ANKS1B: variants seen among roughly 807,000 people sequenced by gnomAD.
ANKS1B encodes ankyrin repeat and sterile alpha motif domain-containing protein 1B.
Under a neutral mutation model 148.3 loss-of-function variants are expected in ANKS1B, and 36 were observed. The observed-to-expected ratio is 0.24, with a 90% CI of 0.19 to 0.32. The LOEUF (loss-of-function observed/expected upper bound fraction) is 0.32. Among genes scored for constraint, ANKS1B ranks in the 10% least tolerant of loss-of-function variants. The pLI, the probability that ANKS1B is intolerant of heterozygous loss-of-function variation, is 1.00. For synonymous variants in ANKS1B, 542 were observed against 560.8 expected (o/e 0.97, Z 0.47); for missense variants, 1,157 against 1,542.6 (o/e 0.75, Z 4.19).
intron 8 of ANKS1B, among the ~76,000 whole-genome samples, chr12:99,762,636 T>C (rs1244355385): frequency 6.6e-6 from 1 of 152,004 alleles, no homozygotes; most frequent in East Asian, 1.9e-4. Context: ...GATTTCATGA[T>C]AAAGACTTCA....
At chr12:99,165,292 T>A (rs1478456408) in intron 14 of ANKS1B, among the ~76,000 whole-genome samples, 1 of 151,422 alleles carries the variant, frequency 6.6e-6, no homozygotes, top group Non-Finnish European at 1.5e-5. Context: ...AGAGGGGAAA[T>A]AAATGAAACA....
At chr12:99,307,971 G>A (rs2082585979) in intron 12 of ANKS1B, among the ~76,000 whole-genome samples, 1 of 151,992 alleles carries the variant, frequency 6.6e-6, no homozygotes, top group Non-Finnish European at 1.5e-5. Flanking sequence ...TCGACTAATA[G>A]TTCAAACAAC....
chr12:99,175,038 G>A (rs2078224017), intron 14 of ANKS1B, among the ~76,000 whole-genome samples: 1 of 152,172 alleles, frequency 6.6e-6, no homozygotes. Context: ...CTAAAAATCA[G>A]CTCAGTAGCA....
At chr12:98,742,866 G>T (rs575209511), downstream of ANKS1B, among the ~76,000 whole-genome samples, 1 of 152,232 alleles carries the variant, frequency 6.6e-6, no homozygotes, top group Non-Finnish European at 1.5e-5. Context: ...GGAATATGGG[G>T]TGGGCCAGTG....
intron 1 of ANKS1B, among the ~76,000 whole-genome samples, chr12:99,923,908 G>T (rs2094425712): frequency 1.3e-5 from 2 of 151,950 alleles, no homozygotes; most frequent in South Asian, 4.2e-4. Context: ...GGTTCATGCT[G>T]GTACAAGGTT....
intron 14 of ANKS1B, among the ~76,000 whole-genome samples, chr12:99,161,525 C>T (rs1266531693): frequency 6.6e-6 from 1 of 151,956 alleles, no homozygotes; most frequent in African/African-American, 2.4e-5. Context: ...AAAAAACAAA[C>T]CAAACCAAAA....
At chr12:99,300,733 C>T (rs1373178800) in intron 12 of ANKS1B, among the ~76,000 whole-genome samples, 1 of 152,070 alleles carries the variant, frequency 6.6e-6, no homozygotes, top group Admixed American at 6.6e-5. Flanking sequence ...CTTATTCTTT[C>T]TATGGTTCAG....
intron 11 of ANKS1B, among the ~76,000 whole-genome samples, chr12:99,438,033 G>A (rs2095489368): frequency 6.6e-6 from 1 of 151,850 alleles, no homozygotes; most frequent in African/African-American, 2.4e-5. Context: ...CTTCCTGGAA[G>A]TTTTGACAAT....
chr12:99,507,211 GA>G (rs1350813430), intron 9 of ANKS1B, among the ~76,000 whole-genome samples: 2 of 151,532 alleles, frequency 1.3e-5, no homozygotes, highest in African/African-American at 2.4e-5. Flanking sequence ...AGATTCTATG[GA>G]AAAAAAGAGT....
chr12:99,815,467 T>C (rs2153670791), intron 2 of ANKS1B, among the ~76,000 whole-genome samples: 1 of 151,966 alleles, frequency 6.6e-6, no homozygotes, highest in South Asian at 2.1e-4. Flanking sequence ...AAATATTTTG[T>C]TAAATGTGCT....
chr12:99,920,669 G>A (rs1414868155), intron 1 of ANKS1B, among the ~76,000 whole-genome samples: 1 of 152,026 alleles, frequency 6.6e-6, no homozygotes, highest in East Asian at 1.9e-4. Flanking sequence ...CAAATCTAAA[G>A]GCCTGAGAAC....
At chr12:99,575,832 C>T (rs1193807188) in intron 9 of ANKS1B, among the ~76,000 whole-genome samples, 1 of 152,008 alleles carries the variant, frequency 6.6e-6, no homozygotes, top group African/African-American at 2.4e-5. Flanking sequence ...AACTATAAAG[C>T]AACTATATAA....
At chr12:99,729,373 T>C (rs1185781065) in intron 8 of ANKS1B, among the ~76,000 whole-genome samples, 1 of 152,180 alleles carries the variant, frequency 6.6e-6, no homozygotes, top group Non-Finnish European at 1.5e-5. Context: ...TTGTAAGTAA[T>C]GAAGTCTTGA....
chr12:98,800,673 G>GATATATATATATAT (rs753914387), intron 21 of ANKS1B, among the ~76,000 whole-genome samples: 1 of 13,716 alleles, frequency 7.3e-5, no homozygotes, highest in African/African-American at 1.8e-4. Flanking sequence ...TGAGTGAGCA[G>GATATATATATATAT]AGATATATAT....
intron 9 of ANKS1B, among the ~76,000 whole-genome samples, chr12:99,642,475 A>G (rs2098318870): frequency 6.6e-6 from 1 of 152,214 alleles, no homozygotes; most frequent in Non-Finnish European, 1.5e-5. Flanking sequence ...GACATTTCAC[A>G]GGGCTAAAAT....
chr12:99,220,449 CTTTTTT>C (rs5800380), intron 14 of ANKS1B, among the ~76,000 whole-genome samples: 2 of 112,712 alleles, frequency 1.8e-5, no homozygotes, highest in Non-Finnish European at 3.6e-5. Flanking sequence ...AGTAGCATTT[CTTTTTT>C]TTTTTTTTTT....
intron 11 of ANKS1B, among the ~76,000 whole-genome samples, chr12:99,434,411 C>T (rs1290047318): frequency 6.6e-6 from 1 of 152,004 alleles, no homozygotes; most frequent in Admixed American, 6.6e-5. Flanking sequence ...ACATATATAT[C>T]TACAAAGGAT....
chr12:99,160,866 C>T (rs1017214896), intron 14 of ANKS1B, among the ~76,000 whole-genome samples: 1 of 152,144 alleles, frequency 6.6e-6, no homozygotes, highest in African/African-American at 2.4e-5. Context: ...GGCTTTATAT[C>T]TGGGTCCTCT....
rs1192265784 is a variant in ANKS1B, at chr12:98,873,388, C to T, written c.2779-41252G>A. On this transcript the variant is annotated intron_variant, in intron 17 of 26. Transcript: ENST00000683438. ...TGAATGAAATAAAATGATCTCCATTCCTATTCAAATAAGCCTGTAAATAAC... is the reference window on the plus strand; with the variant it reads ...TGAATGAAATAAAATGATCTCCATTTCTATTCAAATAAGCCTGTAAATAAC... Among the ~76,000 whole-genome samples, 4 of 152,240 alleles carry T rather than the reference C, an allele frequency of 2.6e-5. No individual in the cohort carries two copies. The East Asian group carries it at 7.7e-4, about 29-fold the overall frequency.
Sources: allele counts gnomAD v4.1 joint callset (sites outside exome capture counted in the v4.1 genomes callset), GRCh38; gene constraint gnomAD v4.1.1; transcripts MANE v1.5; gene names NCBI Gene and HGNC (gene_info 2026-07-23, HGNC 2026-07-21).